DLEU7: variants seen among roughly 807,000 people sequenced by gnomAD.
The protein encoded by DLEU7 is leukemia-associated protein 7.
A neutral mutation model predicts 16.0 loss-of-function variants in DLEU7; 17 were observed. The observed-to-expected ratio is 1.06, with a 90% CI of 0.73 to 1.59. The LOEUF (loss-of-function observed/expected upper bound fraction) is 1.59, where lower values mean the gene tolerates loss of function less well. Ranked by LOEUF, DLEU7 falls within the 40% of genes most tolerant of loss-of-function variation. The pLI is 0.00. For synonymous variants in DLEU7, 113 were observed against 139.8 expected, an observed-to-expected ratio of 0.81 and a Z score of 1.35; for missense variants, 308 against 314.9, an observed-to-expected ratio of 0.98 and a Z score of 0.17.
intron 1 of DLEU7, among the ~76,000 whole-genome samples, chr13:50,771,704 TAA>T (rs1264857507): frequency 1.3e-5 from 2 of 152,224 alleles, no homozygotes; most frequent in African/African-American, 4.8e-5. Context: ...AATTTTGGAA[TAA>T]GTCTGATGTG....
At chr13:50,728,703 G>A (rs1450837187) in intron 1 of DLEU7, among the ~76,000 whole-genome samples, 1 of 152,056 alleles carries the variant, frequency 6.6e-6, no homozygotes, top group Non-Finnish European at 1.5e-5. Flanking sequence ...CAGAACAGGA[G>A]TGTTTGTTTT....
chr13:50,724,161 A>G (rs1409337902), intron 1 of DLEU7, among the ~76,000 whole-genome samples: 2 of 152,188 alleles, frequency 1.3e-5, no homozygotes, highest in Non-Finnish European at 2.9e-5. Context: ...TTGAAGAAAA[A>G]GCTTTAGAAT....
At chr13:50,732,533 G>A (rs1873940005) in intron 1 of DLEU7, among the ~76,000 whole-genome samples, 1 of 149,664 alleles carries the variant, frequency 6.7e-6, no homozygotes, top group Non-Finnish European at 1.5e-5. Flanking sequence ...CTTGAATCCA[G>A]GAGGTGGAGG....
At chr13:50,717,852 G>A (rs942681907) in intron 1 of DLEU7, among the ~76,000 whole-genome samples, 1 of 152,110 alleles carries the variant, frequency 6.6e-6, no homozygotes, top group Non-Finnish European at 1.5e-5. Flanking sequence ...CACCTAGAAT[G>A]ACATTTACAA....
Position 50,774,252 on chromosome 13 carries a change from T to A in DLEU7, c.460-61012A>T, listed in dbSNP as rs531988300. Among the ~76,000 whole-genome samples the A allele has an allele frequency of 1.4e-4, 21 of 152,188 alleles. No individual in the cohort carries two copies. In the South Asian group the frequency reaches 4.4e-3, roughly 32 times the overall value. On this transcript the variant is annotated intron_variant, in intron 1 of 1. Coordinates refer to the DLEU7 transcript ENST00000400393. ...TGAAGTGATACCCCACTCTGCTTCG[T>A]CTCACCCTCCTTAGGCTGTACCCAC...
At chr13:50,794,207 G>C (rs1876046402) in intron 1 of DLEU7, among the ~76,000 whole-genome samples, 1 of 152,050 alleles carries the variant, frequency 6.6e-6, no homozygotes, top group East Asian at 1.9e-4. Flanking sequence ...GCCCAGCCAA[G>C]CACAGGTCAA....
chr13:50,766,949 C>A (rs1310959615), intron 1 of DLEU7, among the ~76,000 whole-genome samples: 2 of 152,154 alleles, frequency 1.3e-5, no homozygotes, highest in Non-Finnish European at 1.5e-5. Context: ...GGGTCTGTGT[C>A]CTGGTTTTTC....
Position 50,770,300 on chromosome 13 carries a change from A to C in DLEU7, c.460-57060T>G, listed in dbSNP as rs184341276. Among the ~76,000 whole-genome samples the C allele has an allele frequency of 6.7e-4, 102 of 152,280 alleles. 1 individual carries two copies. The highest frequency in any genetic ancestry group is 1.4e-3 in the Admixed American group (21 of 15,296). ...CCTGATTGCCCTGGCCAGAACTTCC[A>C]ACACTATGTTGAATAGGAGTGGTGA... is the stretch of plus-strand genomic sequence containing the variant. On this transcript the variant is annotated intron_variant, in intron 1 of 1. Coordinates refer to the DLEU7 transcript ENST00000400393.
intron 1 of DLEU7, among the ~76,000 whole-genome samples, chr13:50,825,960 T>C (rs1190845377): frequency 1.3e-5 from 2 of 151,712 alleles, no homozygotes; most frequent in Non-Finnish European, 2.9e-5. Context: ...GCTGCACCCA[T>C]TAACTCGTCA....
At chr13:50,774,019 G>A (rs893815637) in intron 1 of DLEU7, among the ~76,000 whole-genome samples, 14 of 152,192 alleles carry the variant, frequency 9.2e-5, no homozygotes, top group Admixed American at 7.2e-4. Flanking sequence ...AGTTCGATCT[G>A]GGACTGCTGA....
At chr13:50,739,372 A>G (rs1406520769) in intron 1 of DLEU7, among the ~76,000 whole-genome samples, 1 of 152,168 alleles carries the variant, frequency 6.6e-6, no homozygotes, top group Non-Finnish European at 1.5e-5. Flanking sequence ...CATTCAATAA[A>G]TGTTTGTTGA....
chr13:50,806,416 T>G (rs1005616162), intron 1 of DLEU7, among the ~76,000 whole-genome samples: 4 of 150,764 alleles, frequency 2.7e-5, no homozygotes, highest in Admixed American at 1.3e-4. Context: ...TCTCCTTAAT[T>G]TAATGATTTT....
chr13:50,721,733 G>T (rs191740487), intron 1 of DLEU7, among the ~76,000 whole-genome samples: 53 of 152,294 alleles, frequency 3.5e-4, no homozygotes, highest in African/African-American at 1.1e-3. Context: ...CCAGTGAGAA[G>T]CAAGCCAACC....
chr13:50,718,477 G>A (rs1336722628), intron 1 of DLEU7, among the ~76,000 whole-genome samples: 3 of 152,202 alleles, frequency 2.0e-5, no homozygotes, highest in African/African-American at 7.2e-5. Flanking sequence ...GCTATTGGCT[G>A]GAGAAGGAAT....
At chr13:50,729,921 C>G (rs1253112695) in intron 1 of DLEU7, among the ~76,000 whole-genome samples, 1 of 151,960 alleles carries the variant, frequency 6.6e-6, no homozygotes, top group Non-Finnish European at 1.5e-5. Flanking sequence ...TGAAACTTAA[C>G]TTATCGTCTA....
chr13:50,826,267 A>T (rs1877083709), intron 1 of DLEU7, among the ~76,000 whole-genome samples: 1 of 152,188 alleles, frequency 6.6e-6, no homozygotes, highest in Non-Finnish European at 1.5e-5. Flanking sequence ...GCCACAGACC[A>T]GTTCCTGTTC....
chr13:50,746,136 A>C (rs1476946625), intron 1 of DLEU7, among the ~76,000 whole-genome samples: 1 of 152,220 alleles, frequency 6.6e-6, no homozygotes, highest in Non-Finnish European at 1.5e-5. Flanking sequence ...GGTCTTTAGC[A>C]GAATCAAGCT....
intron 1 of DLEU7, among the ~76,000 whole-genome samples, chr13:50,752,868 G>C (rs1404957424): frequency 1.3e-5 from 2 of 152,132 alleles, no homozygotes; most frequent in African/African-American, 4.8e-5. Flanking sequence ...GCCACTGCTG[G>C]CTCAGGCAGC....
rs60532850 is a variant in DLEU7, at chr13:50,816,929, C to T, written c.459+26259G>A. 5.9e-3 allele frequency among the ~76,000 whole-genome samples: 900 copies of T among 152,190 alleles called. 9 individuals are homozygous for T. Among genetic ancestry groups the T allele is most frequent in the African/African-American group, 0.021 (876 of 41,528 alleles). ...ACACGGCGCCAAGCTTTGCTGTTCT[C>T]CTGTACTCTTGAGCTCCATTCAGAG... On this transcript the variant is annotated intron_variant, in intron 1 of 1. Coordinates refer to the DLEU7 transcript ENST00000400393.
Sources: gnomAD v4.1 joint callset for allele counts (sites outside exome capture counted in the v4.1 genomes callset) on GRCh38, gnomAD v4.1.1 for gene constraint, MANE v1.5 for transcripts, NCBI Gene and HGNC (gene_info 2026-07-23, HGNC 2026-07-21) for gene names.